The following PPARGC1B variants were observed in gnomAD, a reference collection of about 807,000 sequenced individuals.
PPARGC1B encodes the protein PPARG coactivator 1 beta.
PPARGC1B carries 34 observed loss-of-function variants against 101.6 expected under a neutral mutation model. The observed-to-expected ratio is 0.33, with a 90% CI of 0.25 to 0.45. The LOEUF (loss-of-function observed/expected upper bound fraction) is 0.45. PPARGC1B is among the 20% of genes least tolerant of loss of function. The pLI is 1.00. For missense variants in PPARGC1B, 1,234 were observed against 1,317.6 expected, an observed-to-expected ratio of 0.94 and a Z score of 0.98; for synonymous variants, 548 against 539.3, an observed-to-expected ratio of 1.02 and a Z score of -0.22.
At chr5:149,825,375 G>T (rs1758476888) in intron 2 of PPARGC1B, among the ~76,000 whole-genome samples, 1 of 152,232 alleles carries the variant, frequency 6.6e-6, no homozygotes, top group African/African-American at 2.4e-5. Context: ...GTTGCTGTGA[G>T]GCCTCCCTGA....
intron 1 of PPARGC1B, among the ~76,000 whole-genome samples, chr5:149,787,271 C>T (rs540532899): frequency 4.6e-5 from 7 of 152,172 alleles, no homozygotes; most frequent in Non-Finnish European, 7.3e-5. Context: ...AAAGATGGCC[C>T]TCTGGTTGCC....
At chr5:149,842,409 G>T in intron 10 of PPARGC1B, 32 bp downstream of exon 10, 1 of 1,604,734 alleles carries the variant, frequency 6.2e-7, no homozygotes, top group Non-Finnish European at 8.5e-7. Context: ...CAAATGAAGG[G>T]AGCAGAGAGG....
rs1218587642 is a variant in PPARGC1B, at chr5:149,809,389, A to AGATAGATC, written c.79-11041_79-11040insAGATCGAT. 1.5e-4 allele frequency among the ~76,000 whole-genome samples: 11 copies of AGATAGATC among 72,506 alleles called. 2 individuals are homozygous for AGATAGATC. The highest frequency in any genetic ancestry group is 4.1e-4 in the East Asian group (1 of 2,464). 47.6% of individuals were successfully genotyped at this position (72,506 alleles called of 152,430 possible). The stretch of plus-strand genomic sequence containing the variant: ...TAGATAGATAGATAGATAGATAGAT[A>AGATAGATC]GATCCATCTCTACCATAGATAGATA... On this transcript the variant is annotated intron_variant, in intron 1 of 11. Coordinates refer to ENST00000309241, the MANE Select transcript of PPARGC1B (RefSeq NM_133263.4).
chr5:149,802,597 C>T (rs551741989), intron 1 of PPARGC1B, among the ~76,000 whole-genome samples: 113 of 151,126 alleles, frequency 7.5e-4, no homozygotes, highest in Admixed American at 1.1e-3. Flanking sequence ...TGTTACCTGC[C>T]GGGCTCTGGG....
At chr5:149,734,876 T>C (rs17654854) in intron 1 of PPARGC1B, among the ~76,000 whole-genome samples, 22,057 of 152,172 alleles carry the variant, frequency 0.14, 1,730 homozygotes, top group Admixed American at 0.24. Flanking sequence ...TGATCATGGG[T>C]GACTTGTGGT....
Position 149,842,351 on chromosome 5 carries a change from G to A in PPARGC1B, c.2790G>A (p.Glu930=), listed in dbSNP as rs770669541. 3 of 1,614,008 alleles carry A rather than the reference G, an allele frequency of 1.9e-6. No individual in the cohort carries two copies. Among genetic ancestry groups the A allele is most frequent in the African/African-American group, 2.7e-5 (2 of 74,922 alleles). ...RRFEVFGEIE[E]CEVLTRNRRG... ...TTGAAGTGTTTGGTGAGATTGAGGA[G>A]TGCGAGGTGCTGACAAGAAATAGGA... Residue 930 remains glutamate, a synonymous_variant, in exon 10 of 12, where the codon GAG becomes GAA. Transcript: ENST00000309241.
intron 1 of PPARGC1B, chr5:149,732,844 C>A: frequency 2.1e-6 from 1 of 479,304 alleles, no homozygotes; most frequent in Admixed American, 2.3e-5. Flanking sequence ...GACTCCAGGT[C>A]CTGTGTGTTA....
chr5:149,824,671 G>T (rs925090466), intron 2 of PPARGC1B, among the ~76,000 whole-genome samples: 1 of 152,144 alleles, frequency 6.6e-6, no homozygotes, highest in Non-Finnish European at 1.5e-5. Context: ...ATGGTTCTGG[G>T]CTGGACAGGG....
intron 1 of PPARGC1B, among the ~76,000 whole-genome samples, chr5:149,762,027 T>A (rs1755733475): frequency 6.6e-6 from 1 of 152,172 alleles, no homozygotes; most frequent in African/African-American, 2.4e-5. Flanking sequence ...GAAACTGTCA[T>A]CCTCTTCTCT....
At chr5:149,789,599 A>G (rs1213790638) in intron 1 of PPARGC1B, among the ~76,000 whole-genome samples, 6 of 152,218 alleles carry the variant, frequency 3.9e-5, no homozygotes, top group Non-Finnish European at 8.8e-5. Context: ...CCTCAAAACA[A>G]TTCTATGAAG....
In PPARGC1B at chr5:149,796,178, T is replaced by C. The variant is rs556439773; in HGVS notation, c.79-24255T>C. Among the ~76,000 whole-genome samples the C allele has an allele frequency of 6.6e-5, 10 of 150,970 alleles. No individual in the cohort carries two copies. In the Middle Eastern group the frequency reaches 0.01, roughly 154 times the overall value. On this transcript the variant is annotated intron_variant, in intron 1 of 11. Coordinates refer to ENST00000309241, the MANE Select transcript of PPARGC1B (RefSeq NM_133263.4). ...CCATGCGATGGAGAGTGTGACGGAG[T>C]AGGGAGGGTGGTGGCCACTTCAGAG...
At chr5:149,781,309 T>C (rs1756589973) in intron 1 of PPARGC1B, among the ~76,000 whole-genome samples, 1 of 151,978 alleles carries the variant, frequency 6.6e-6, no homozygotes, top group African/African-American at 2.4e-5. Flanking sequence ...AGAGGGCAGG[T>C]GCATGGTCAC....
intron 1 of PPARGC1B, among the ~76,000 whole-genome samples, chr5:149,735,890 C>T (rs752358998): frequency 1.3e-5 from 2 of 152,198 alleles, no homozygotes; most frequent in South Asian, 4.1e-4. Flanking sequence ...CTTTGGGAGG[C>T]CAAGGCGGGC....
At position 149,853,535 on chromosome 5, in the gene PPARGC1B, G is replaced by A. The variant is rs1298619792; in HGVS notation, c.*5977G>A. ...ACCTTGTTAAGTAAACCTTTGCTGG[G>A]TGGTCCGAATTCTGCCCTCAAGGCA... On this transcript the variant is annotated 3_prime_UTR_variant, in exon 12 of 12. Coordinates refer to ENST00000309241, the MANE Select transcript of PPARGC1B (RefSeq NM_133263.4). The surrounding 1 kb of genome is among the most constrained non-coding windows in gnomAD (Gnocchi z 4.2). 1.3e-5 allele frequency: 2 copies of A among 152,246 alleles called. No homozygotes were observed. The highest frequency in any genetic ancestry group is 2.9e-5 in the Non-Finnish European group (2 of 68,048). 9.4% of individuals were successfully genotyped at this position (152,246 alleles called of 1,614,324 possible).
At position 149,852,584 on chromosome 5, in the gene PPARGC1B, T is replaced by A. The variant is rs1759805832; in HGVS notation, c.*5026T>A. ...ACAGTAAGGAATTAAACCCCCAACT[T>A]GGCTAGGTAACGATGTCAAATCTCA... On this transcript the variant is annotated 3_prime_UTR_variant, in exon 12 of 12. Transcript: ENST00000309241. The A allele has an allele frequency of 6.6e-6, 1 of 152,190 alleles. No homozygotes were observed. Among genetic ancestry groups the A allele is most frequent in the Non-Finnish European group, 1.5e-5 (1 of 68,030 alleles). 9.4% of individuals were successfully genotyped at this position (152,190 alleles called of 1,614,324 possible). A position where few individuals can be genotyped will look rare whatever the true frequency, so the allele number is the denominator to read the frequency against.
chr5:149,837,213 G>A lies in PPARGC1B; in HGVS notation c.2618+140G>A. ...CATCTCCCAGTGTGGCCCATGTCTTGGTCAGGAGCCTTGAAGGTGGTCTTC... is the reference window on the plus strand; with the variant it reads ...CATCTCCCAGTGTGGCCCATGTCTTAGTCAGGAGCCTTGAAGGTGGTCTTC... On this transcript the variant is annotated intron_variant, in intron 8 of 11. Coordinates refer to ENST00000309241, the MANE Select transcript of PPARGC1B (RefSeq NM_133263.4). The surrounding 1 kb of genome is among the most constrained non-coding windows in gnomAD (Gnocchi z 4.2). 3.0e-6 allele frequency: 4 copies of A among 1,355,544 alleles called. No individual in the cohort carries two copies. Among genetic ancestry groups the A allele is most frequent in the Non-Finnish European group, 3.9e-6 (4 of 1,019,582 alleles). 84.0% of individuals were successfully genotyped at this position (1,355,544 alleles called of 1,614,324 possible). A position where few individuals can be genotyped will look rare whatever the true frequency, so the allele number is the denominator to read the frequency against.
rs1284088577 is a variant in PPARGC1B, at chr5:149,837,121, A to G, written c.2618+48A>G. On this transcript the variant is annotated intron_variant, in intron 8 of 11. Coordinates refer to ENST00000309241, the MANE Select transcript of PPARGC1B (RefSeq NM_133263.4). The surrounding 1 kb of genome is among the most constrained non-coding windows in gnomAD (Gnocchi z 4.2). Reference sequence around the variant, plus strand: ...GAGGCAGCGGGCAGTGGAGGATCCCAGTTCCCGGGGAGCCAGGAGCCCCAG... The same window carrying G: ...GAGGCAGCGGGCAGTGGAGGATCCCGGTTCCCGGGGAGCCAGGAGCCCCAG... 2 of 1,538,926 alleles carry G rather than the reference A, an allele frequency of 1.3e-6. No homozygotes were observed. The highest frequency in any genetic ancestry group is 8.7e-7 in the Non-Finnish European group (1 of 1,143,654).
At chr5:149,829,066 GCAAA>G (rs2113384346) in intron 3 of PPARGC1B, among the ~76,000 whole-genome samples, 1 of 151,996 alleles carries the variant, frequency 6.6e-6, no homozygotes, top group African/African-American at 2.4e-5. Context: ...AAGACAAAAA[GCAAA>G]CAAACAAAAA....
intron 1 of PPARGC1B, among the ~76,000 whole-genome samples, chr5:149,750,793 C>T (rs909651484): frequency 1.3e-5 from 2 of 152,206 alleles, no homozygotes; most frequent in South Asian, 2.1e-4. Context: ...ATTTTGCAGC[C>T]GGGTGCATTA....
Sources: allele counts gnomAD v4.1 joint callset (sites outside exome capture counted in the v4.1 genomes callset), GRCh38; gene constraint gnomAD v4.1.1; non-coding constraint Gnocchi (gnomAD v3.1); transcripts MANE v1.5; gene names NCBI Gene and HGNC (gene_info 2026-07-23, HGNC 2026-07-21).